GFRA1: variants seen among roughly 807,000 people sequenced by gnomAD.
GFRA1 encodes the protein GDNF family receptor alpha 1.
A neutral mutation model predicts 51.6 loss-of-function variants in GFRA1; 16 were observed. That is an observed-to-expected ratio of 0.31 (90% CI 0.21 to 0.47). The LOEUF is 0.47. GFRA1 is among the 20% of genes least tolerant of loss of function. The pLI is 1.00. For synonymous variants in GFRA1, 270 were observed against 241.3 expected (o/e 1.12, Z -1.10); for missense variants, 530 against 594.3 (o/e 0.89, Z 1.13).
At chr10:116,069,312 A>G (rs1017784650) in intron 9 of GFRA1, among the ~76,000 whole-genome samples, 5 of 152,184 alleles carry the variant, frequency 3.3e-5, no homozygotes, top group African/African-American at 1.2e-4. Flanking sequence ...TCTAATTTAT[A>G]GCTATAAGGT....
At chr10:116,137,513 C>G (rs1453874573) in intron 5 of GFRA1, among the ~76,000 whole-genome samples, 1 of 152,180 alleles carries the variant, frequency 6.6e-6, no homozygotes, top group African/African-American at 2.4e-5. Flanking sequence ...CCCATTAAGC[C>G]ACTCCACCTG....
chr10:116,265,360 A>C (rs2134787172), intron 4 of GFRA1, among the ~76,000 whole-genome samples: 1 of 152,300 alleles, frequency 6.6e-6, no homozygotes, highest in East Asian at 1.9e-4. Context: ...ATTTTAAGGA[A>C]GGCCTGGCAT....
At chr10:116,146,140 A>C (rs1958791793) in intron 5 of GFRA1, among the ~76,000 whole-genome samples, 1 of 152,178 alleles carries the variant, frequency 6.6e-6, no homozygotes, top group African/African-American at 2.4e-5. Flanking sequence ...ATACATACGA[A>C]GGTATTAAAA....
intron 4 of GFRA1, among the ~76,000 whole-genome samples, chr10:116,226,482 G>A (rs1448462926): frequency 6.6e-6 from 1 of 151,918 alleles, no homozygotes; most frequent in African/African-American, 2.4e-5. Flanking sequence ...TCATCCGTGA[G>A]GGCATCCCCC....
chr10:116,148,490 T>A, intron 5 of GFRA1, among the ~76,000 whole-genome samples: 1 of 126,450 alleles, frequency 7.9e-6, no homozygotes, highest in East Asian at 2.4e-4. Context: ...AGTGGGGATA[T>A]GATAATAACA....
chr10:116,143,706 A>C (rs908923909), intron 5 of GFRA1, among the ~76,000 whole-genome samples: 4 of 151,704 alleles, frequency 2.6e-5, no homozygotes, highest in Non-Finnish European at 4.4e-5. Context: ...GGCGAATTTA[A>C]CTCTAACTCT....
intron 4 of GFRA1, among the ~76,000 whole-genome samples, chr10:116,230,715 GACACACACAC>G (rs5788144): frequency 0.013 from 1,890 of 150,564 alleles, 9 homozygotes; most frequent in African/African-American, 0.015. Context: ...CATGTGGACA[GACACACACAC>G]ACACACACAC....
chr10:116,189,035 G>A (rs1322152376), intron 5 of GFRA1, among the ~76,000 whole-genome samples: 1 of 150,346 alleles, frequency 6.7e-6, no homozygotes, highest in East Asian at 2.0e-4. Context: ...CAGGAGGATT[G>A]CTTGAGGCCA....
intron 5 of GFRA1, among the ~76,000 whole-genome samples, chr10:116,130,435 G>C (rs1251471084): frequency 6.6e-6 from 1 of 152,016 alleles, no homozygotes; most frequent in Non-Finnish European, 1.5e-5. Context: ...AAACGCAAAG[G>C]ACACAGAATA....
At chr10:116,131,370 T>G (rs932222980) in intron 5 of GFRA1, among the ~76,000 whole-genome samples, 1 of 152,188 alleles carries the variant, frequency 6.6e-6, no homozygotes, top group Non-Finnish European at 1.5e-5. Context: ...AAACTAAACA[T>G]ACAATTACCC....
chr10:116,235,076 T>G (rs559891317), intron 4 of GFRA1, among the ~76,000 whole-genome samples: 3 of 152,328 alleles, frequency 2.0e-5, no homozygotes, highest in East Asian at 3.9e-4. Context: ...CTTTCCTTTA[T>G]AAATTACCCA....
chr10:116,120,415 T>G (rs1957595160), intron 6 of GFRA1, among the ~76,000 whole-genome samples: 1 of 151,882 alleles, frequency 6.6e-6, no homozygotes, highest in Non-Finnish European at 1.5e-5. Flanking sequence ...TAAAAATAAT[T>G]AATTAATTAA....
intron 9 of GFRA1, among the ~76,000 whole-genome samples, chr10:116,081,773 G>GGGGACTACTGGTGGT (rs1277333446): frequency 6.6e-6 from 1 of 152,300 alleles, no homozygotes; most frequent in South Asian, 2.1e-4. Flanking sequence ...AGTGGGGCTT[G>GGGGACTACTGGTGGT]GGGACTACTG....
intron 4 of GFRA1, among the ~76,000 whole-genome samples, chr10:116,235,343 G>C (rs1966854636): frequency 6.6e-6 from 1 of 152,176 alleles, no homozygotes; most frequent in South Asian, 2.1e-4. Flanking sequence ...CCTTTCACAG[G>C]AAACGAATCT....
chr10:116,079,484 G>A (rs1488432584), intron 9 of GFRA1, among the ~76,000 whole-genome samples: 1 of 145,270 alleles, frequency 6.9e-6, no homozygotes, highest in Non-Finnish European at 1.5e-5. Context: ...TTCCTTGTTA[G>A]TATAAAGGAA....
intron 5 of GFRA1, among the ~76,000 whole-genome samples, chr10:116,210,300 C>G (rs751964647): frequency 1.3e-5 from 2 of 152,062 alleles, no homozygotes; most frequent in Non-Finnish European, 2.9e-5. Flanking sequence ...ACTTTCCAAA[C>G]TCAAATGTTT....
chr10:116,091,297 A>C (rs1245596525), intron 8 of GFRA1, among the ~76,000 whole-genome samples: 3 of 152,352 alleles, frequency 2.0e-5, no homozygotes, highest in African/African-American at 7.2e-5. Context: ...AGTGAACAAC[A>C]ACATCAACAA....
In GFRA1 at chr10:116,123,372, C is replaced by T. The variant is rs573768287; in HGVS notation, c.770+1849G>A. The stretch of plus-strand genomic sequence containing the variant: ...AAGACGCTTGGTCATCCGAGTCCTT[C>T]CTCATACAGCAGGTCACTTGCTTCC... On this transcript the variant is annotated intron_variant, in intron 6 of 10. Coordinates refer to ENST00000355422, the MANE Select transcript of GFRA1 (RefSeq NM_005264.8). 2.6e-5 allele frequency among the ~76,000 whole-genome samples: 4 copies of T among 152,330 alleles called. No homozygotes were observed. In the East Asian group the frequency reaches 7.7e-4, roughly 29 times the overall value.
chr10:116,158,891 C>A (rs576462929), intron 5 of GFRA1, among the ~76,000 whole-genome samples: 1 of 152,302 alleles, frequency 6.6e-6, no homozygotes, highest in South Asian at 2.1e-4. Flanking sequence ...ACAGTCTCAG[C>A]CCCTATGAGC....
Sources: allele counts gnomAD v4.1 joint callset (sites outside exome capture counted in the v4.1 genomes callset), GRCh38; gene constraint gnomAD v4.1.1; transcripts MANE v1.5; gene names NCBI Gene and HGNC (gene_info 2026-07-23, HGNC 2026-07-21).